FRYL: variants seen among roughly 807,000 people sequenced by gnomAD.
FRYL encodes the protein FRY like transcription coactivator, also known as protein furry homolog-like.
A neutral mutation model predicts 351.2 loss-of-function variants in FRYL; 150 were observed. That is an observed-to-expected ratio of 0.43 (90% CI 0.37 to 0.49). The LOEUF (loss-of-function observed/expected upper bound fraction) is 0.49, where lower values mean the gene tolerates loss of function less well. FRYL is among the 20% of genes least tolerant of loss of function. The probability of loss-of-function intolerance (pLI) is 0.00; values close to 1 mark genes in which losing one functional copy is unlikely to be tolerated. For missense variants in FRYL, 3,036 were observed against 3,619.3 expected (o/e 0.84, Z 4.13); for synonymous variants, 1,153 against 1,257.1 (o/e 0.92, Z 1.75).
chr4:48,607,337 C>A (rs1747061923), intron 9 of FRYL, among the ~76,000 whole-genome samples: 1 of 151,922 alleles, frequency 6.6e-6, no homozygotes, highest in African/African-American at 2.4e-5. Flanking sequence ...TCACTGACTA[C>A]AGTGAGAAGA....
intron 1 of FRYL, among the ~76,000 whole-genome samples, chr4:48,757,932 T>G (rs1490579648): frequency 6.6e-6 from 1 of 152,040 alleles, no homozygotes; most frequent in Non-Finnish European, 1.5e-5. Flanking sequence ...AATAATACCA[T>G]GCATCTACAA....
chr4:48,724,096 C>G (rs1578839216), intron 1 of FRYL, among the ~76,000 whole-genome samples: 1 of 151,678 alleles, frequency 6.6e-6, no homozygotes, highest in South Asian at 2.1e-4. Flanking sequence ...CCACTGTAAT[C>G]CAGCCTGGGA....
At chr4:48,557,144 C>CT in intron 34 of FRYL, 26 bp from the exon 35 acceptor site, 1 of 1,560,670 alleles carries the variant, frequency 6.4e-7, no homozygotes, top group Non-Finnish European at 8.7e-7. Flanking sequence ...ACAAAAGATA[C>CT]TTCAGTCATG....
chr4:48,513,286 T>C (rs1722862845), intron 56 of FRYL, among the ~76,000 whole-genome samples: 1 of 152,204 alleles, frequency 6.6e-6, no homozygotes, highest in African/African-American at 2.4e-5. Context: ...CAAATGCTAT[T>C]AGCCAGGAAA....
chr4:48,539,193 A>G (rs1349101487), intron 47 of FRYL, among the ~76,000 whole-genome samples: 1 of 152,170 alleles, frequency 6.6e-6, no homozygotes, highest in Non-Finnish European at 1.5e-5. Flanking sequence ...TTTTGAAGGT[A>G]AAAGAGCCAA....
intron 1 of FRYL, among the ~76,000 whole-genome samples, chr4:48,741,674 C>T (rs531385950): frequency 2.0e-5 from 3 of 152,000 alleles, no homozygotes; most frequent in South Asian, 2.1e-4. Flanking sequence ...CCATCCCAGG[C>T]GACAGAGCAA....
At chr4:48,674,225 C>A (rs1241882014) in intron 3 of FRYL, among the ~76,000 whole-genome samples, 5 of 152,048 alleles carry the variant, frequency 3.3e-5, no homozygotes, top group Non-Finnish European at 7.4e-5. Context: ...ATTGTTAGTA[C>A]ATTCTGAATC....
chr4:48,739,560 A>C (rs1335956700), intron 1 of FRYL, among the ~76,000 whole-genome samples: 5 of 151,454 alleles, frequency 3.3e-5, no homozygotes, highest in African/African-American at 9.7e-5. Flanking sequence ...ACTCACCACA[A>C]AAAAAAAACT....
intron 5 of FRYL, among the ~76,000 whole-genome samples, chr4:48,622,168 T>C (rs904029253): frequency 6.6e-6 from 1 of 152,190 alleles, no homozygotes; most frequent in African/African-American, 2.4e-5. Context: ...ACAATAAAAA[T>C]GGAAATTGTC....
intron 3 of FRYL, among the ~76,000 whole-genome samples, chr4:48,654,856 AAAT>A (rs1399829640): frequency 6.6e-6 from 1 of 152,208 alleles, no homozygotes; most frequent in Non-Finnish European, 1.5e-5. Flanking sequence ...CAAAATGAAC[AAAT>A]AATATGTCAT....
At position 48,643,119 on chromosome 4, in the gene FRYL, C is replaced by A. The variant is rs1038630931; in HGVS notation, c.-80-8629G>T. ...CTGGAAATGGACCTGCGAATCAACA[C>A]AAAATAGTCCTGTAAACACCAGAAT... is the stretch of plus-strand genomic sequence containing the variant. On this transcript the variant is annotated intron_variant, in intron 3 of 63. Transcript: ENST00000358350. Among the ~76,000 whole-genome samples, 36 of 152,198 alleles carry A rather than the reference C, an allele frequency of 2.4e-4. 1 individual carries two copies. Among genetic ancestry groups the A allele is most frequent in the Non-Finnish European group, 1.5e-5 (1 of 68,044 alleles).
chr4:48,697,511 G>A (rs1222208189), intron 2 of FRYL, among the ~76,000 whole-genome samples: 3 of 151,874 alleles, frequency 2.0e-5, no homozygotes, highest in Admixed American at 6.6e-5. Flanking sequence ...TATTTTTTGG[G>A]ATGGAGTCTC....
chr4:48,577,567 T>C (rs1739902793), intron 23 of FRYL, among the ~76,000 whole-genome samples: 1 of 152,026 alleles, frequency 6.6e-6, no homozygotes, highest in South Asian at 2.1e-4. Flanking sequence ...TGTCAGATGG[T>C]GCTAAGTTTG....
At chr4:48,605,947 T>C (rs1166576701) in intron 10 of FRYL, 114 bp from the exon 11 acceptor site, 4 of 665,738 alleles carry the variant, frequency 6.0e-6, no homozygotes, top group Non-Finnish European at 1.0e-5. Context: ...CTAAGGTCAA[T>C]GCATCTTCAA....
At chr4:48,736,454 TTAAC>T (rs1397143331) in intron 1 of FRYL, among the ~76,000 whole-genome samples, 1 of 151,682 alleles carries the variant, frequency 6.6e-6, no homozygotes, top group Non-Finnish European at 1.5e-5. Context: ...TTCTAGCAGG[TTAAC>T]TAAGAAAAAA....
intron 1 of FRYL, among the ~76,000 whole-genome samples, chr4:48,719,125 T>C (rs1384189759): frequency 2.0e-5 from 3 of 151,648 alleles, no homozygotes; most frequent in African/African-American, 7.3e-5. Flanking sequence ...GGCTTGGTAA[T>C]TCAATGGTGT....
At chr4:48,557,351 G>T in intron 34 of FRYL, 102 bp downstream of exon 34, 1 of 1,428,818 alleles carries the variant, frequency 7.0e-7, no homozygotes, top group Non-Finnish European at 9.5e-7. Flanking sequence ...AAAGATATTT[G>T]TTTGGTTATC....
chr4:48,575,102 T>A lies in FRYL; in HGVS notation c.2846+15A>T, dbSNP rs1288303870. 1 of 1,612,138 alleles carries A rather than the reference T, an allele frequency of 6.2e-7. No homozygotes were observed. Among genetic ancestry groups the A allele is most frequent in the African/African-American group, 1.3e-5 (1 of 74,932 alleles). ...ATTCTTTTAGGACATAGAAAAAATG[T>A]ACGAACATAGTTACCTAAAAGCTCC... is the stretch of plus-strand genomic sequence containing the variant. On this transcript the variant is annotated intron_variant, in intron 25 of 63. Coordinates refer to ENST00000358350, the MANE Select transcript of FRYL (RefSeq NM_015030.2).
Position 48,547,227 on chromosome 4 carries a change from T to G in FRYL, c.5074+357A>C, listed in dbSNP as rs569793188. Among the ~76,000 whole-genome samples, 3 of 152,334 alleles carry G rather than the reference T, an allele frequency of 2.0e-5. No individual in the cohort carries two copies. In the South Asian group the frequency reaches 6.2e-4, roughly 32 times the overall value. ...ATATAATCACGAGAATAACAAAATT[T>G]AAAATGCCTTACTTTATCAGTTTTC... On this transcript the variant is annotated intron_variant, in intron 41 of 63. Coordinates refer to ENST00000358350, the MANE Select transcript of FRYL (RefSeq NM_015030.2).
Sources: allele counts gnomAD v4.1 joint callset (sites outside exome capture counted in the v4.1 genomes callset), GRCh38; gene constraint gnomAD v4.1.1; transcripts MANE v1.5; gene names NCBI Gene and HGNC (gene_info 2026-07-23, HGNC 2026-07-21).